HDDC2: variants seen among roughly 807,000 people sequenced by gnomAD.
HDDC2 encodes the protein 5'-deoxynucleotidase HDDC2.
A neutral mutation model predicts 25.5 loss-of-function variants in HDDC2; 25 were observed. The ratio of observed to expected loss-of-function variants is 0.98; its 90% CI spans 0.72 to 1.37. The LOEUF (loss-of-function observed/expected upper bound fraction) is 1.37. HDDC2 is among the 40% of genes most tolerant of loss of function. The pLI is 0.00. For missense variants in HDDC2, 264 were observed against 253.1 expected (o/e 1.04, Z -0.29); for synonymous variants, 106 against 89.7 (o/e 1.18, Z -1.03).
chr6:125,293,652 G>C (rs1289730566), intron 3 of HDDC2, among the ~76,000 whole-genome samples: 5 of 152,110 alleles, frequency 3.3e-5, no homozygotes, highest in African/African-American at 1.2e-4. Flanking sequence ...CTTATATCAA[G>C]CTGAAAATTT....
intron 4 of HDDC2, among the ~76,000 whole-genome samples, chr6:125,287,175 C>G (rs1798550935): frequency 6.6e-6 from 1 of 152,046 alleles, no homozygotes; most frequent in Non-Finnish European, 1.5e-5. Flanking sequence ...AATGGAGGGG[C>G]AGACCGTAGA....
intron 4 of HDDC2, among the ~76,000 whole-genome samples, chr6:125,289,811 C>T (rs1208094840): frequency 1.3e-5 from 2 of 152,322 alleles, no homozygotes; most frequent in South Asian, 2.1e-4. Flanking sequence ...AATCCAAGGA[C>T]GGTGGGGTGT....
At chr6:125,301,482 GCACACACACACA>G (rs3839545) in intron 1 of HDDC2, among the ~76,000 whole-genome samples, 1 of 120,344 alleles carries the variant, frequency 8.3e-6, no homozygotes, top group African/African-American at 3.4e-5. Context: ...GGGGTCGTGA[GCACACACACACA>G]CACACACACA....
rs78731112 is a variant in HDDC2, at chr6:125,276,996, G to A, written c.517+106C>T. On this transcript the variant is annotated intron_variant, in intron 5 of 5. Coordinates refer to ENST00000398153, the MANE Select transcript of HDDC2 (RefSeq NM_016063.3). The stretch of plus-strand genomic sequence containing the variant: ...TTCTTTTTAGATGCTCCACATGAAA[G>A]GGTCAGATGAAGGTACCAACAGTGG... The A allele has an allele frequency of 2.0e-3, 2,081 of 1,064,024 alleles. 38 individuals are homozygous for A. In the African/African-American group the frequency reaches 0.03, roughly 15 times the overall value. The allele number at this position is 1,064,024 out of a possible 1,614,324, so 65.9% of individuals were successfully genotyped here.
intron 1 of HDDC2, among the ~76,000 whole-genome samples, chr6:125,301,208 A>C (rs557324836): frequency 1.3e-5 from 2 of 152,286 alleles, no homozygotes; most frequent in South Asian, 4.1e-4. Context: ...GAATGTTATA[A>C]ATAGTAGTCA....
intron 4 of HDDC2, chr6:125,279,553 A>G (rs943366829): frequency 1.3e-5 from 2 of 152,232 alleles, no homozygotes; most frequent in African/African-American, 4.8e-5. Flanking sequence ...AAAATATAGT[A>G]TGTGAGGTAA....
At chr6:125,291,623 C>T (rs73772427) in intron 4 of HDDC2, among the ~76,000 whole-genome samples, 2,914 of 152,214 alleles carry the variant, frequency 0.019, 86 homozygotes, top group African/African-American at 0.067. Context: ...TCTGAGGTTT[C>T]TGAATTTCAT....
chr6:125,278,330 T>C (rs1323190369), intron 4 of HDDC2: 1 of 152,202 alleles, frequency 6.6e-6, no homozygotes, highest in Non-Finnish European at 1.5e-5. Context: ...TATTTATGTT[T>C]AATAAATTCA....
chr6:125,284,444 C>T (rs980855151), intron 4 of HDDC2, among the ~76,000 whole-genome samples: 1 of 151,924 alleles, frequency 6.6e-6, no homozygotes, highest in African/African-American at 2.4e-5. Context: ...CAGAATCTAC[C>T]AGGAACTTTA....
At chr6:125,283,212 C>T (rs898547652) in intron 4 of HDDC2, among the ~76,000 whole-genome samples, 1 of 152,178 alleles carries the variant, frequency 6.6e-6, no homozygotes, top group Non-Finnish European at 1.5e-5. Flanking sequence ...CAATATCATA[C>T]TGGATGGGCA....
At chr6:125,293,643 T>C (rs555069726) in intron 3 of HDDC2, among the ~76,000 whole-genome samples, 65 of 152,288 alleles carry the variant, frequency 4.3e-4, no homozygotes, top group African/African-American at 1.5e-3. Flanking sequence ...AATTATTTTC[T>C]TATATCAAGC....
intron 3 of HDDC2, among the ~76,000 whole-genome samples, chr6:125,293,762 G>C (rs540867055): frequency 4.6e-5 from 7 of 152,250 alleles, no homozygotes; most frequent in Admixed American, 3.9e-4. Flanking sequence ...CCGCTGGGCT[G>C]GACTATCTGT....
chr6:125,281,639 T>C (rs1012739412), intron 4 of HDDC2, among the ~76,000 whole-genome samples: 3 of 151,952 alleles, frequency 2.0e-5, no homozygotes, highest in East Asian at 1.9e-4. Context: ...TGAAATAAAG[T>C]GTGAAGACAA....
chr6:125,283,826 A>C (rs1798494514), intron 4 of HDDC2, among the ~76,000 whole-genome samples: 1 of 152,214 alleles, frequency 6.6e-6, no homozygotes, highest in Non-Finnish European at 1.5e-5. Flanking sequence ...TTTAAATTTC[A>C]TATGGAACCA....
chr6:125,301,442 T>TACACACACACAC (rs3039619), intron 1 of HDDC2, among the ~76,000 whole-genome samples: 4,372 of 145,130 alleles, frequency 0.03, 86 homozygotes, highest in Middle Eastern at 0.04. Context: ...AGCCGCGCTT[T>TACACACACACAC]ACACACACAC....
intron 4 of HDDC2, among the ~76,000 whole-genome samples, chr6:125,279,575 A>G (rs1361520779): frequency 6.6e-6 from 1 of 152,246 alleles, no homozygotes; most frequent in African/African-American, 2.4e-5. Context: ...GCACATGTTA[A>G]TTAGCTTGCT....
chr6:125,277,483 C>A, intron 4 of HDDC2: 1 of 422,488 alleles, frequency 2.4e-6, no homozygotes, highest in Non-Finnish European at 4.2e-6. Context: ...CCATGGAAAT[C>A]TTGTATGTTC....
chr6:125,280,933 A>G (rs1049299906), intron 4 of HDDC2, among the ~76,000 whole-genome samples: 1 of 152,218 alleles, frequency 6.6e-6, no homozygotes, highest in African/African-American at 2.4e-5. Flanking sequence ...GCAGGGGTCG[A>G]CAGACATCTC....
intron 3 of HDDC2, among the ~76,000 whole-genome samples, chr6:125,295,873 TTTATCAACCTGCA>T (rs1333587223): frequency 3.3e-5 from 5 of 152,172 alleles, no homozygotes; most frequent in East Asian, 1.9e-4. Flanking sequence ...TCAGACATCA[TTTATCAACCTGCA>T]TTATCAACCT....
Sources: gnomAD v4.1 joint callset for allele counts (sites outside exome capture counted in the v4.1 genomes callset) on GRCh38, gnomAD v4.1.1 for gene constraint, MANE v1.5 for transcripts, NCBI Gene and HGNC (gene_info 2026-07-23, HGNC 2026-07-21) for gene names.